GALNT14: variants seen among roughly 807,000 people sequenced by gnomAD.
GALNT14 encodes UDP-GalNAc:polypeptide N-acetylgalactosaminyltransferase 14.
Under a neutral mutation model 77.5 loss-of-function variants are expected in GALNT14, and 60 were observed. The ratio of observed to expected loss-of-function variants is 0.77; its 90% CI spans 0.63 to 0.96. The LOEUF is 0.96. Among genes scored for constraint, GALNT14 ranks in the 40% least tolerant of loss-of-function variants. GALNT14 has a pLI of 0.00. For missense variants in GALNT14, 710 were observed against 731.0 expected (o/e 0.97, Z 0.33); for synonymous variants, 280 against 281.7 (o/e 0.99, Z 0.06).
intron 1 of GALNT14, among the ~76,000 whole-genome samples, chr2:31,017,010 G>A (rs1471242168): frequency 6.6e-6 from 1 of 152,166 alleles, no homozygotes; most frequent in Non-Finnish European, 1.5e-5. Flanking sequence ...AACCCTGCAA[G>A]GCAAATAATG....
the GALNT14 span, among the ~76,000 whole-genome samples, chr2:30,905,395 C>T: frequency 3.3e-5 from 5 of 151,142 alleles, no homozygotes; most frequent in South Asian, 2.1e-4. Flanking sequence ...AACCAAGGCT[C>T]GAGAACTACG....
intron 1 of GALNT14, among the ~76,000 whole-genome samples, chr2:31,034,122 C>G (rs994909538): frequency 6.6e-6 from 1 of 152,178 alleles, no homozygotes; most frequent in Non-Finnish European, 1.5e-5. Context: ...CTCAGTTTCT[C>G]TCCTTTGTGA....
intron 13 of GALNT14, among the ~76,000 whole-genome samples, chr2:30,915,134 G>T (rs1414082310): frequency 7.0e-6 from 1 of 142,132 alleles, no homozygotes; most frequent in African/African-American, 2.6e-5. Flanking sequence ...AAATATAAAA[G>T]CCTCTTTTGA....
chr2:30,956,008 C>A (rs373139587), intron 4 of GALNT14, 31 bp from the exon 5 acceptor site: 5 of 1,610,960 alleles, frequency 3.1e-6, no homozygotes, highest in Non-Finnish European at 4.2e-6. Flanking sequence ...GCCAATTGAG[C>A]GCCCAGGGAT....
intron 9 of GALNT14, among the ~76,000 whole-genome samples, chr2:30,935,427 A>G (rs920738781): frequency 1.3e-5 from 2 of 152,182 alleles, no homozygotes; most frequent in Non-Finnish European, 1.5e-5. Context: ...CCAGTCCTGA[A>G]GGATGTCCAT....
At chr2:30,981,865 C>T (rs1379637024) in intron 2 of GALNT14, among the ~76,000 whole-genome samples, 1 of 152,206 alleles carries the variant, frequency 6.6e-6, no homozygotes, top group Non-Finnish European at 1.5e-5. Flanking sequence ...GAGCTGAAGG[C>T]ATTGTTGGGC....
chr2:30,895,676 C>T, the GALNT14 span, among the ~76,000 whole-genome samples: 1 of 151,906 alleles, frequency 6.6e-6, no homozygotes, highest in African/African-American at 2.4e-5. Flanking sequence ...ACTCAGCCCT[C>T]CAATTCTCTG....
intron 1 of GALNT14, among the ~76,000 whole-genome samples, chr2:31,029,377 C>T (rs72868752): frequency 0.032 from 4,872 of 152,246 alleles, 266 homozygotes; most frequent in African/African-American, 0.11. Flanking sequence ...ACTGCCTCCA[C>T]CACCGTCATC....
chr2:31,030,277 G>A (rs1244754202), intron 1 of GALNT14, among the ~76,000 whole-genome samples: 1 of 152,076 alleles, frequency 6.6e-6, no homozygotes, highest in Non-Finnish European at 1.5e-5. Flanking sequence ...TGTAATAGCA[G>A]TATCTGTCCA....
chr2:31,106,524 C>CT, intron 1 of GALNT14, among the ~76,000 whole-genome samples: 1 of 152,110 alleles, frequency 6.6e-6, no homozygotes, highest in East Asian at 1.9e-4. Flanking sequence ...ACCAATTTGC[C>CT]TTTTTTTCTT....
intron 13 of GALNT14, among the ~76,000 whole-genome samples, chr2:30,913,243 C>T (rs924551970): frequency 2.6e-5 from 4 of 152,104 alleles, no homozygotes; most frequent in East Asian, 1.9e-4. Flanking sequence ...CCTTTGCCTC[C>T]GTCTGGGGGC....
At chr2:30,970,134 C>A (rs1418912678) in intron 2 of GALNT14, among the ~76,000 whole-genome samples, 1 of 152,160 alleles carries the variant, frequency 6.6e-6, no homozygotes, top group Non-Finnish European at 1.5e-5. Context: ...GACGACTCTG[C>A]CTGCTGGGTG....
chr2:31,063,557 C>A (rs1295304668), intron 1 of GALNT14, among the ~76,000 whole-genome samples: 1 of 152,040 alleles, frequency 6.6e-6, no homozygotes, highest in Non-Finnish European at 1.5e-5. Context: ...CTTTTTGGTT[C>A]CATATGAAAT....
At chr2:31,032,092 C>T (rs1023248334) in intron 1 of GALNT14, among the ~76,000 whole-genome samples, 1 of 152,218 alleles carries the variant, frequency 6.6e-6, no homozygotes, top group African/African-American at 2.4e-5. Context: ...ACCTAGGCAG[C>T]AGACTCTCAT....
intron 1 of GALNT14, among the ~76,000 whole-genome samples, chr2:31,105,361 T>C (rs1677503628): frequency 6.6e-6 from 1 of 152,186 alleles, no homozygotes; most frequent in South Asian, 2.1e-4. Context: ...GACAAGGTCT[T>C]TCAGGTTCAT....
intron 1 of GALNT14, among the ~76,000 whole-genome samples, chr2:31,105,763 A>G (rs745453064): frequency 9.9e-5 from 15 of 152,076 alleles, no homozygotes; most frequent in Non-Finnish European, 1.8e-4. Context: ...CCAAGGTCTG[A>G]GTACTCACCA....
At chr2:30,981,826 T>C (rs1669005945) in intron 2 of GALNT14, among the ~76,000 whole-genome samples, 1 of 152,214 alleles carries the variant, frequency 6.6e-6, no homozygotes, top group South Asian at 2.1e-4. Context: ...ACTTCTCTCA[T>C]GTTACGTGGG....
chr2:30,994,529 G>A (rs1420565490), intron 1 of GALNT14, among the ~76,000 whole-genome samples: 1 of 152,218 alleles, frequency 6.6e-6, no homozygotes, highest in Non-Finnish European at 1.5e-5. Context: ...AAGCTTTGGA[G>A]ACCAGAGATT....
rs770315761 is a variant in GALNT14 at position 30,966,248 on chromosome 2, G to C, written c.354C>G (p.Thr118=). 1 of 1,613,948 alleles carries C rather than the reference G, an allele frequency of 6.2e-7. No individual in the cohort carries two copies. Among genetic ancestry groups the C allele is most frequent in the Admixed American group, 1.7e-5 (1 of 59,996 alleles). Residue 118 remains threonine (T), a synonymous_variant, in exon 3 of 15, where the codon ACC becomes ACG. Transcript: ENST00000349752. ...TDLPPTSIII[T]FHNEARSTLL... ...GCGTGGAGCGGGCCTCGTTGTGGAA[G>C]GTGATGATGATGCTAGTGGGTGGAA...
Sources: allele counts gnomAD v4.1 joint callset (sites outside exome capture counted in the v4.1 genomes callset), GRCh38; gene constraint gnomAD v4.1.1; transcripts MANE v1.5; gene names NCBI Gene and HGNC (gene_info 2026-07-23, HGNC 2026-07-21).